The following SVOP variants were observed in gnomAD, a reference collection of about 807,000 sequenced individuals.
SVOP encodes the protein synaptic vesicle 2-related protein.
A neutral mutation model predicts 69.1 loss-of-function variants in SVOP; 17 were observed. That is an observed-to-expected ratio of 0.25 (90% CI 0.17 to 0.37). The LOEUF (loss-of-function observed/expected upper bound fraction) is 0.37, where lower values mean the gene tolerates loss of function less well. SVOP is among the 10% of genes least tolerant of loss of function. SVOP has a pLI of 1.00. For missense variants in SVOP, 435 were observed against 597.5 expected, an observed-to-expected ratio of 0.73 and a Z score of 2.84; for synonymous variants, 238 against 238.6, an observed-to-expected ratio of 1.00 and a Z score of 0.02.
intron 1 of SVOP, among the ~76,000 whole-genome samples, chr12:108,993,765 C>A (rs1303563968): frequency 2.0e-5 from 3 of 152,058 alleles, no homozygotes; most frequent in Non-Finnish European, 4.4e-5. Context: ...GTGAGTGGGA[C>A]CCCCAGTCCC....
intron 1 of SVOP, among the ~76,000 whole-genome samples, chr12:109,012,719 G>T (rs2040348884): frequency 6.6e-6 from 1 of 152,222 alleles, no homozygotes; most frequent in East Asian, 1.9e-4. Flanking sequence ...TTTGAGTCCA[G>T]GAGTTTGAGA....
intron 6 of SVOP, among the ~76,000 whole-genome samples, chr12:108,949,332 C>T: frequency 6.6e-6 from 1 of 151,880 alleles, no homozygotes; most frequent in Non-Finnish European, 1.5e-5. Context: ...TGCAGTGGTG[C>T]GATCTCAGGC....
At chr12:108,961,191 A>G in intron 5 of SVOP, 144 bp from the exon 6 acceptor site, 1 of 1,017,456 alleles carries the variant, frequency 9.8e-7, no homozygotes, top group Non-Finnish European at 1.4e-6. Flanking sequence ...CTGTATGGGG[A>G]GTGCCAACCC....
intron 5 of SVOP, among the ~76,000 whole-genome samples, chr12:108,966,326 T>C (rs2040045365): frequency 6.6e-6 from 1 of 152,208 alleles, no homozygotes; most frequent in Non-Finnish European, 1.5e-5. Context: ...CTCCATGTCT[T>C]CAAGACCACA....
chr12:108,944,549 A>T (rs753502499), intron 7 of SVOP, among the ~76,000 whole-genome samples: 2 of 152,144 alleles, frequency 1.3e-5, no homozygotes, highest in African/African-American at 2.4e-5. Flanking sequence ...GGAGGGGGCC[A>T]TTGGGCAGCT....
chr12:108,983,577 TCC>T (rs1291103508), intron 2 of SVOP, 22 bp downstream of exon 2: 1 of 398,780 alleles, frequency 2.5e-6, no homozygotes, highest in East Asian at 3.6e-5. Context: ...CCAGGCTGAT[TCC>T]CCAACTGCAG....
chr12:108,915,908 T>G (rs777751019), intron 14 of SVOP, 36 bp from the exon 15 acceptor site: 4 of 1,531,316 alleles, frequency 2.6e-6, no homozygotes, highest in Non-Finnish European at 3.5e-6. Context: ...CATGGGGACA[T>G]GCAGGTTCCT....
At chr12:108,931,698 A>G (rs11114105) in intron 11 of SVOP, among the ~76,000 whole-genome samples, 100,468 of 151,878 alleles carry the variant, frequency 0.66, 33,592 homozygotes, top group East Asian at 0.78. Flanking sequence ...GCTGGGCGTG[A>G]TGGCGGTCGC....
intron 7 of SVOP, among the ~76,000 whole-genome samples, chr12:108,941,233 GTC>G (rs1197991148): frequency 2.0e-5 from 3 of 152,086 alleles, no homozygotes; most frequent in South Asian, 2.1e-4. Flanking sequence ...TTCTCTCTCT[GTC>G]TCTCTGTCTT....
At chr12:108,933,067 C>T (rs1463707394) in intron 11 of SVOP, among the ~76,000 whole-genome samples, 1 of 151,750 alleles carries the variant, frequency 6.6e-6, no homozygotes, top group Non-Finnish European at 1.5e-5. Context: ...ATAGTGTAGA[C>T]GGGGTTTTGT....
chr12:108,917,752 C>T (rs2039722870), intron 14 of SVOP, among the ~76,000 whole-genome samples: 1 of 151,988 alleles, frequency 6.6e-6, no homozygotes, highest in Non-Finnish European at 1.5e-5. Flanking sequence ...AAGTGATCCT[C>T]CCACCTCAGC....
intron 12 of SVOP, among the ~76,000 whole-genome samples, chr12:108,920,304 AT>A (rs937954341): frequency 6.6e-6 from 1 of 152,168 alleles, no homozygotes; most frequent in Non-Finnish European, 1.5e-5. Flanking sequence ...AAGCCACTAC[AT>A]TTTTGGGATG....
chr12:108,939,013 C>G, intron 8 of SVOP, 58 bp from the exon 9 acceptor site: 3 of 1,610,766 alleles, frequency 1.9e-6, no homozygotes, highest in Non-Finnish European at 2.5e-6. Context: ...ACAGAGCACT[C>G]GCTTCTAGCC....
intron 2 of SVOP, among the ~76,000 whole-genome samples, chr12:108,982,836 C>CGAT (rs1555252303): frequency 9.5e-5 from 7 of 74,072 alleles, no homozygotes; most frequent in African/African-American, 4.8e-4. Context: ...ATCACTGTCA[C>CGAT]CATCATCATC....
chr12:109,001,246 T>G, intron 1 of SVOP, among the ~76,000 whole-genome samples: 3 of 95,790 alleles, frequency 3.1e-5, no homozygotes, highest in Non-Finnish European at 6.6e-5. Flanking sequence ...GAATCCAACT[T>G]ACAAGGGATG....
intron 13 of SVOP, among the ~76,000 whole-genome samples, chr12:108,919,164 C>T (rs1295641617): frequency 6.9e-6 from 1 of 145,116 alleles, no homozygotes; most frequent in Non-Finnish European, 1.5e-5. Flanking sequence ...CTGGGCCTCA[C>T]CCACACTTGT....
At chr12:108,995,831 G>C (rs907418878) in intron 1 of SVOP, among the ~76,000 whole-genome samples, 14 of 151,942 alleles carry the variant, frequency 9.2e-5, no homozygotes, top group Non-Finnish European at 1.6e-4. Context: ...AATCTGGGAG[G>C]GGGGAGGTTG....
At position 108,961,702 on chromosome 12, in the gene SVOP, T is replaced by C. The variant is rs145951111; in HGVS notation, c.454-655A>G. The stretch of plus-strand genomic sequence containing the variant: ...AAATGTAAAGAAAAACCATCAACAA[T>C]ATTCAGTTAAGTCCAAACGTATTTA... On this transcript the variant is annotated intron_variant, in intron 5 of 15. Coordinates refer to ENST00000610966, the MANE Select transcript of SVOP (RefSeq NM_018711.5). Among the ~76,000 whole-genome samples, 444 of 152,314 alleles carry C rather than the reference T, an allele frequency of 2.9e-3. 2 individuals carry two copies. Among genetic ancestry groups the C allele is most frequent in the African/African-American group, 9.7e-3 (403 of 41,566 alleles).
At chr12:108,919,823 T>A in intron 12 of SVOP, 37 bp from the exon 13 acceptor site, 4 of 1,418,354 alleles carry the variant, frequency 2.8e-6, no homozygotes, top group South Asian at 1.2e-5. Context: ...CAGCTTCCGA[T>A]GTGATTCCCA....
Sources: gnomAD v4.1 joint callset for allele counts (sites outside exome capture counted in the v4.1 genomes callset) on GRCh38, gnomAD v4.1.1 for gene constraint, MANE v1.5 for transcripts, NCBI Gene and HGNC (gene_info 2026-07-23, HGNC 2026-07-21) for gene names.